Variants in ADAMTSL3 observed in about 807,000 individuals in gnomAD.
The protein encoded by ADAMTSL3 is ADAMTS-like protein 3.
A neutral mutation model predicts 201.7 loss-of-function variants in ADAMTSL3; 128 were observed. The observed-to-expected ratio is 0.63, with a 90% CI of 0.55 to 0.73. The LOEUF (loss-of-function observed/expected upper bound fraction) is 0.73, where lower values mean the gene tolerates loss of function less well. Among genes scored for constraint, ADAMTSL3 ranks in the 30% least tolerant of loss-of-function variants. The pLI, the probability that ADAMTSL3 is intolerant of heterozygous loss-of-function variation, is 0.00. For missense variants in ADAMTSL3, 1,990 were observed against 2,119.6 expected (o/e 0.94, Z 1.20); for synonymous variants, 738 against 748.4 (o/e 0.99, Z 0.23).
intron 16 of ADAMTSL3, among the ~76,000 whole-genome samples, chr15:83,922,774 T>C (rs1046563875): frequency 1.3e-5 from 2 of 152,184 alleles, no homozygotes; most frequent in African/African-American, 2.4e-5. Context: ...TGGCCAATAC[T>C]ACATCCTGTA....
At chr15:83,695,297 G>A (rs1196019375) in intron 2 of ADAMTSL3, among the ~76,000 whole-genome samples, 1 of 15,070 alleles carries the variant, frequency 6.6e-5, no homozygotes, top group Non-Finnish European at 1.6e-4. Context: ...GGGAAGGAGA[G>A]AGAGGGAGAG....
intron 8 of ADAMTSL3, chr15:83,862,276 A>G (rs971308416): frequency 1.3e-5 from 2 of 152,196 alleles, no homozygotes; most frequent in Admixed American, 6.5e-5. Context: ...GAATGCCACA[A>G]AGATACTCCT....
intron 3 of ADAMTSL3, among the ~76,000 whole-genome samples, chr15:83,768,094 T>G (rs1156714956): frequency 6.6e-6 from 1 of 152,164 alleles, no homozygotes; most frequent in African/African-American, 2.4e-5. Flanking sequence ...CTTGCATAAG[T>G]ACAAATGGGA....
intron 8 of ADAMTSL3, among the ~76,000 whole-genome samples, chr15:83,864,142 G>T (rs1255055344): frequency 6.6e-6 from 1 of 152,142 alleles, no homozygotes; most frequent in Admixed American, 6.5e-5. Context: ...ACCAAAAAAA[G>T]TCCAGGACCA....
At chr15:83,856,155 C>T (rs1031145577) in intron 7 of ADAMTSL3, among the ~76,000 whole-genome samples, 1 of 148,064 alleles carries the variant, frequency 6.8e-6, no homozygotes, top group African/African-American at 2.5e-5. Context: ...GCATCATTTC[C>T]TTTCCTTTCC....
chr15:83,969,316 C>T lies in ADAMTSL3; in HGVS notation c.2491-1168C>T, dbSNP rs377224275. ...AAAAGTAGCAGGGTGCAGTGGTGGGCGCCTGAAATCCCAGCTACTTGGGAG... is the reference window on the plus strand; with the variant it reads ...AAAAGTAGCAGGGTGCAGTGGTGGGTGCCTGAAATCCCAGCTACTTGGGAG... On this transcript the variant is annotated intron_variant, in intron 19 of 29. Transcript: ENST00000286744. Among the ~76,000 whole-genome samples the T allele has an allele frequency of 9.2e-5, 14 of 152,122 alleles. No homozygotes were observed. The Middle Eastern group carries it at 0.014, about 148-fold the overall frequency.
intron 4 of ADAMTSL3, among the ~76,000 whole-genome samples, chr15:83,788,557 A>G (rs1299777109): frequency 1.3e-5 from 2 of 152,200 alleles, no homozygotes; most frequent in Non-Finnish European, 2.9e-5. Context: ...TCTAACATCA[A>G]GTAATGTTAC....
At chr15:83,902,823 T>C (rs1306745690) in intron 15 of ADAMTSL3, among the ~76,000 whole-genome samples, 8 of 152,092 alleles carry the variant, frequency 5.3e-5, no homozygotes, top group African/African-American at 1.7e-4. Flanking sequence ...TAATTGGGAG[T>C]GGCCCCACCT....
chr15:83,933,969 C>G (rs1438414335), intron 17 of ADAMTSL3, among the ~76,000 whole-genome samples: 3 of 152,180 alleles, frequency 2.0e-5, no homozygotes, highest in Non-Finnish European at 2.9e-5. Flanking sequence ...AAGGGTGGAG[C>G]CTTCATGGAG....
chr15:83,750,206 A>C (rs866867275), intron 3 of ADAMTSL3, among the ~76,000 whole-genome samples: 41 of 152,312 alleles, frequency 2.7e-4, no homozygotes, highest in African/African-American at 9.1e-4. Context: ...TTCTTAATCA[A>C]TTACAGTATA....
intron 17 of ADAMTSL3, among the ~76,000 whole-genome samples, chr15:83,935,547 C>CAA (rs56941474): frequency 5.9e-5 from 9 of 151,554 alleles, no homozygotes; most frequent in Non-Finnish European, 1.2e-4. Context: ...AAATCCCAAA[C>CAA]GGGAAAAAAA....
At chr15:83,863,151 A>C (rs2064902169) in intron 8 of ADAMTSL3, among the ~76,000 whole-genome samples, 1 of 152,176 alleles carries the variant, frequency 6.6e-6, no homozygotes, top group Non-Finnish European at 1.5e-5. Flanking sequence ...AGAGACTTAG[A>C]CTCCCATACA....
In ADAMTSL3 at chr15:84,016,416, T is replaced by C. The variant is rs139573883; in HGVS notation, c.4190T>C (p.Leu1397Pro). 6.1e-4 allele frequency: 977 copies of C among 1,614,078 alleles called. 1 individual carries two copies. Among genetic ancestry groups the C allele is most frequent in the Non-Finnish European group, 7.5e-4 (880 of 1,179,988 alleles). The part of the protein sequence containing the change: ...RRWPESRIVF[L>P]QGHKKYILQA... Reference sequence around the variant, plus strand: ...TGGCCAGAGAGTAGAATCGTATTTCTGCAAGGACATAAAAAGTACATTCTC... The same window carrying C: ...TGGCCAGAGAGTAGAATCGTATTTCCGCAAGGACATAAAAAGTACATTCTC... The change falls in exon 25 of 30, where the codon CTG (leucine) becomes CCG (proline). Residue 1397 changes from leucine to proline, a missense_variant. Physicochemically the swap from Leu to Pro is moderately conservative, Grantham distance 98. Transcript: ENST00000286744.
intron 4 of ADAMTSL3, among the ~76,000 whole-genome samples, chr15:83,802,627 A>C (rs1008083936): frequency 1.3e-5 from 2 of 152,234 alleles, no homozygotes; most frequent in African/African-American, 4.8e-5. Context: ...TTCCATTTAT[A>C]TAACATTTTG....
At chr15:83,870,534 A>G (rs950005120) in intron 8 of ADAMTSL3, among the ~76,000 whole-genome samples, 25 of 152,198 alleles carry the variant, frequency 1.6e-4, no homozygotes, top group African/African-American at 5.3e-4. Context: ...TAAAGAAAGA[A>G]AAGTTTTCTC....
intron 23 of ADAMTSL3, among the ~76,000 whole-genome samples, chr15:84,000,615 A>G (rs1365590033): frequency 2.6e-5 from 4 of 152,244 alleles, no homozygotes; most frequent in Non-Finnish European, 5.9e-5. Context: ...TCATAATGCA[A>G]AAATAGAAGT....
At chr15:83,935,638 T>C (rs1297010044) in intron 17 of ADAMTSL3, among the ~76,000 whole-genome samples, 1 of 151,846 alleles carries the variant, frequency 6.6e-6, no homozygotes, top group East Asian at 1.9e-4. Flanking sequence ...ATAGAAAAGA[T>C]CCAGGAAAGG....
intron 7 of ADAMTSL3, among the ~76,000 whole-genome samples, chr15:83,839,319 G>A (rs1596300930): frequency 6.6e-6 from 1 of 152,144 alleles, no homozygotes; most frequent in African/African-American, 2.4e-5. Context: ...AAAGTTCATG[G>A]CGTGACACTG....
At chr15:83,754,128 C>T (rs2062680941) in intron 3 of ADAMTSL3, among the ~76,000 whole-genome samples, 1 of 152,132 alleles carries the variant, frequency 6.6e-6, no homozygotes, top group African/African-American at 2.4e-5. Flanking sequence ...CAGGCCTCCA[C>T]CCATTAATGC....
Sources: allele counts gnomAD v4.1 joint callset (sites outside exome capture counted in the v4.1 genomes callset), GRCh38; gene constraint gnomAD v4.1.1; transcripts MANE v1.5; gene names NCBI Gene and HGNC (gene_info 2026-07-23, HGNC 2026-07-21).